The following MGAT5 variants were observed in gnomAD, a reference collection of about 807,000 sequenced individuals.
MGAT5 encodes the protein alpha-1,6-mannosylglycoprotein 6-beta-N-acetylglucosaminyltransferase A.
MGAT5 carries 30 observed loss-of-function variants against 94.3 expected under a neutral mutation model. That is an observed-to-expected ratio of 0.32 (90% confidence interval 0.24 to 0.43). The LOEUF (loss-of-function observed/expected upper bound fraction) is 0.43, where lower values mean the gene tolerates loss of function less well. MGAT5 is among the 20% of genes least tolerant of loss of function. The probability of loss-of-function intolerance (pLI) is 1.00; values close to 1 mark genes in which losing one functional copy is unlikely to be tolerated. For missense variants in MGAT5, 691 were observed against 905.5 expected (o/e 0.76, Z 3.04); for synonymous variants, 310 against 322.9 (o/e 0.96, Z 0.43).
rs1682797259 is a variant in MGAT5 at position 134,254,266 on chromosome 2, A to G, written c.-138A>G. Reference sequence around the variant, plus strand: ...AATTCTTCTCCTCCTTCACAGCAGAATGGAAGTGAGGAAAGGCAACCAGCT... The same window carrying G: ...AATTCTTCTCCTCCTTCACAGCAGAGTGGAAGTGAGGAAAGGCAACCAGCT... On this transcript the variant is annotated 5_prime_UTR_variant, in exon 1 of 16. An upstream start codon of the reference 5' UTR is lost. Coordinates refer to ENST00000281923, the MANE Select transcript of MGAT5 (RefSeq NM_002410.5). 3.0e-6 allele frequency: 3 copies of G among 997,134 alleles called. No homozygotes were observed. The South Asian group carries it at 4.9e-5, about 16-fold the overall frequency. The allele number at this position is 997,134 out of a possible 1,614,324, so 61.8% of individuals were successfully genotyped here. A position where few individuals can be genotyped will look rare whatever the true frequency, so the allele number is the denominator to read the frequency against.
At chr2:134,222,552 A>G (rs1158778242) in intron 1 of MGAT5, among the ~76,000 whole-genome samples, 1 of 152,300 alleles carries the variant, frequency 6.6e-6, no homozygotes, top group Non-Finnish European at 1.5e-5. Context: ...TATAAATTAA[A>G]TGCAAAAAGT....
chr2:134,225,605 T>C (rs186844835), intron 1 of MGAT5, among the ~76,000 whole-genome samples: 13 of 152,316 alleles, frequency 8.5e-5, no homozygotes, highest in African/African-American at 2.9e-4. Context: ...CGTTCAAGTG[T>C]ATAGATCAGG....
intron 10 of MGAT5, among the ~76,000 whole-genome samples, chr2:134,366,016 A>G (rs1325208680): frequency 2.0e-5 from 3 of 152,098 alleles, no homozygotes; most frequent in African/African-American, 4.8e-5. Flanking sequence ...CAGGGGCATC[A>G]ACTTAGGAAC....
At chr2:134,261,961 C>A (rs1388086388) in intron 1 of MGAT5, among the ~76,000 whole-genome samples, 2 of 152,164 alleles carry the variant, frequency 1.3e-5, no homozygotes, top group Admixed American at 1.3e-4. Context: ...CCAAGTAGCT[C>A]TTATGCATGA....
At chr2:134,263,915 TAAA>T (rs201242939) in intron 1 of MGAT5, among the ~76,000 whole-genome samples, 1 of 146,446 alleles carries the variant, frequency 6.8e-6, no homozygotes, top group African/African-American at 2.5e-5. Context: ...TTTAGTTCTT[TAAA>T]AAAAAAAAGT....
chr2:134,182,710 A>G (rs1221120749), intron 1 of MGAT5, among the ~76,000 whole-genome samples: 1 of 151,800 alleles, frequency 6.6e-6, no homozygotes, highest in East Asian at 1.9e-4. Flanking sequence ...GACTTCTAAC[A>G]GCACAGGTCA....
intron 1 of MGAT5, among the ~76,000 whole-genome samples, chr2:134,142,497 T>C (rs959312436): frequency 2.6e-5 from 4 of 152,212 alleles, no homozygotes; most frequent in Non-Finnish European, 5.9e-5. Flanking sequence ...TGATTCATCA[T>C]ACAAATCCAG....
chr2:134,243,611 T>C (rs1682082403), intron 1 of MGAT5, among the ~76,000 whole-genome samples: 1 of 152,260 alleles, frequency 6.6e-6, no homozygotes, highest in Admixed American at 6.5e-5. Flanking sequence ...GCTTGACTAC[T>C]GTAACTTTAT....
chr2:134,334,979 T>G lies in MGAT5; in HGVS notation c.574-1238T>G, dbSNP rs1051596857. ...ATAAGAGAATATTTCACTTTTCCTA[T>G]TCAGAGATTCCGCCCTCTCCCCAAG... is the stretch of plus-strand genomic sequence containing the variant. On this transcript the variant is annotated intron_variant, in intron 4 of 15. Transcript: ENST00000281923. 2.0e-5 allele frequency among the ~76,000 whole-genome samples: 3 copies of G among 152,190 alleles called. No individual in the cohort carries two copies. The East Asian group carries it at 5.8e-4, about 29-fold the overall frequency.
intron 1 of MGAT5, among the ~76,000 whole-genome samples, chr2:134,260,312 G>A (rs1230482582): frequency 3.3e-5 from 5 of 152,340 alleles, no homozygotes; most frequent in Admixed American, 6.5e-5. Flanking sequence ...CACACACGCC[G>A]GTTGGAGAAC....
intron 1 of MGAT5, among the ~76,000 whole-genome samples, chr2:134,233,743 C>A (rs1024983920): frequency 6.6e-6 from 1 of 152,134 alleles, no homozygotes; most frequent in Non-Finnish European, 1.5e-5. Context: ...TTAAACCCTG[C>A]AGGTAGACAT....
chr2:134,310,071 A>G (rs1573763214), intron 2 of MGAT5, among the ~76,000 whole-genome samples: 1 of 152,244 alleles, frequency 6.6e-6, no homozygotes. Context: ...ATATATATAC[A>G]CTGAATTTGA....
At chr2:134,278,957 T>C (rs1170865938) in intron 2 of MGAT5, among the ~76,000 whole-genome samples, 5 of 152,342 alleles carry the variant, frequency 3.3e-5, no homozygotes, top group Middle Eastern at 6.8e-3. Flanking sequence ...CTACCATGTG[T>C]GTCCTTGGAC....
chr2:134,446,354 C>T (rs190320124), intron 15 of MGAT5, among the ~76,000 whole-genome samples: 16 of 151,994 alleles, frequency 1.1e-4, no homozygotes, highest in African/African-American at 3.6e-4. Flanking sequence ...GTCTGAGAGT[C>T]GCCGTAGAGA....
intron 11 of MGAT5, among the ~76,000 whole-genome samples, chr2:134,405,889 T>G (rs1183453366): frequency 6.6e-6 from 1 of 152,256 alleles, no homozygotes; most frequent in African/African-American, 2.4e-5. Flanking sequence ...TCAGGGAACC[T>G]GTGAAGATGG....
chr2:134,348,244 G>A (rs1331228254), intron 8 of MGAT5, among the ~76,000 whole-genome samples: 1 of 152,168 alleles, frequency 6.6e-6, no homozygotes, highest in Non-Finnish European at 1.5e-5. Flanking sequence ...TTTCGGGACT[G>A]TGGGCTTTAT....
At chr2:134,419,390 G>C (rs138518385) in intron 12 of MGAT5, among the ~76,000 whole-genome samples, 1 of 148,782 alleles carries the variant, frequency 6.7e-6, no homozygotes, top group African/African-American at 2.5e-5. Flanking sequence ...GTAGGTTCTC[G>C]ATCATTTTTC....
At chr2:134,309,833 A>C (rs1686545770) in intron 2 of MGAT5, among the ~76,000 whole-genome samples, 1 of 152,198 alleles carries the variant, frequency 6.6e-6, no homozygotes, top group Non-Finnish European at 1.5e-5. Flanking sequence ...AAAAAAGGAA[A>C]AATCTTAATG....
Position 134,357,070 on chromosome 2 carries a change from A to G in MGAT5, c.1247-5205A>G, listed in dbSNP as rs555805098. Among the ~76,000 whole-genome samples the G allele has an allele frequency of 2.0e-5, 3 of 152,234 alleles. No homozygotes were observed. The South Asian group carries it at 6.2e-4, about 32-fold the overall frequency. On this transcript the variant is annotated intron_variant, in intron 9 of 15. Transcript: ENST00000281923. ...TTTAGCTGCTTTGTTTATTGCTGGA[A>G]CTCTAACATCCTGAAGAGTGGCTGG...
Sources: gnomAD v4.1 joint callset for allele counts (sites outside exome capture counted in the v4.1 genomes callset) on GRCh38, gnomAD v4.1.1 for gene constraint, MANE v1.5 for transcripts, NCBI Gene and HGNC (gene_info 2026-07-23, HGNC 2026-07-21) for gene names.